CSMD1: variants seen among roughly 807,000 people sequenced by gnomAD.
CSMD1 encodes CUB and sushi domain-containing protein 1.
A neutral mutation model predicts 417.5 loss-of-function variants in CSMD1; 213 were observed. The ratio of observed to expected loss-of-function variants is 0.51; its 90% CI spans 0.46 to 0.57. The LOEUF (loss-of-function observed/expected upper bound fraction) is 0.57, where lower values mean the gene tolerates loss of function less well. CSMD1 is among the 20% of genes least tolerant of loss of function. CSMD1 has a pLI of 0.00. For missense variants in CSMD1, 6,923 were observed against 4,529.7 expected (o/e 1.53, Z -15.17); for synonymous variants, 2,862 against 1,736.8 (o/e 1.65, Z -16.11).
chr8:3,160,522 G>C (rs571722508), intron 38 of CSMD1, among the ~76,000 whole-genome samples: 1 of 152,236 alleles, frequency 6.6e-6, no homozygotes, highest in South Asian at 2.1e-4. Context: ...ACTTACTGAG[G>C]TATCCCAACT....
chr8:4,776,557 G>C (rs756239399), intron 1 of CSMD1, among the ~76,000 whole-genome samples: 3 of 152,040 alleles, frequency 2.0e-5, no homozygotes, highest in Non-Finnish European at 4.4e-5. Flanking sequence ...ATTCCACTAC[G>C]GGCTGCATTG....
chr8:4,242,807 C>G (rs542710333), intron 3 of CSMD1, among the ~76,000 whole-genome samples: 1 of 152,128 alleles, frequency 6.6e-6, no homozygotes, highest in Non-Finnish European at 1.5e-5. Flanking sequence ...TGGAGGAAAC[C>G]TTCATTCACC....
chr8:3,402,313 T>C (rs1343020715), intron 15 of CSMD1, among the ~76,000 whole-genome samples: 1 of 152,214 alleles, frequency 6.6e-6, no homozygotes, highest in East Asian at 1.9e-4. Flanking sequence ...ACTTTTTATG[T>C]GAGTCATTTT....
intron 46 of CSMD1, among the ~76,000 whole-genome samples, chr8:3,097,519 T>C (rs927868477): frequency 1.3e-5 from 2 of 152,166 alleles, no homozygotes; most frequent in African/African-American, 2.4e-5. Context: ...CTGCAGATGG[T>C]CCAGAATCCT....
intron 23 of CSMD1, among the ~76,000 whole-genome samples, chr8:3,328,913 A>G (rs1264657065): frequency 6.6e-6 from 1 of 152,268 alleles, no homozygotes; most frequent in Non-Finnish European, 1.5e-5. Flanking sequence ...AAAATAAGAC[A>G]GCAAGTATTT....
intron 33 of CSMD1, among the ~76,000 whole-genome samples, chr8:3,192,937 GA>G (rs11308845): frequency 0.48 from 70,803 of 148,318 alleles, 17,646 homozygotes; most frequent in Non-Finnish European, 0.58. Flanking sequence ...ATGGCATGAA[GA>G]AAAAAAAAAA....
At chr8:4,254,263 C>T (rs546683572) in intron 3 of CSMD1, among the ~76,000 whole-genome samples, 5 of 152,124 alleles carry the variant, frequency 3.3e-5, no homozygotes, top group Middle Eastern at 3.4e-3. Context: ...ATAAAATCAG[C>T]GAACACCTGT....
At chr8:3,632,918 C>T (rs947911087) in intron 7 of CSMD1, among the ~76,000 whole-genome samples, 3 of 152,154 alleles carry the variant, frequency 2.0e-5, no homozygotes, top group African/African-American at 4.8e-5. Context: ...AAGCAAGGGG[C>T]TTCAAAATTA....
At chr8:3,753,864 G>T in intron 6 of CSMD1, 66 bp downstream of exon 6, 2 of 1,129,400 alleles carry the variant, frequency 1.8e-6, no homozygotes, top group Non-Finnish European at 2.6e-6. Context: ...AAATTTCATG[G>T]CTAGAAAGGA....
chr8:4,229,739 C>G (rs748933500), intron 3 of CSMD1, among the ~76,000 whole-genome samples: 2 of 152,164 alleles, frequency 1.3e-5, no homozygotes, highest in Non-Finnish European at 2.9e-5. Context: ...CCTCTGCCGT[C>G]CTGCTTCTAC....
At chr8:4,753,450 C>T (rs547036858) in intron 1 of CSMD1, among the ~76,000 whole-genome samples, 1 of 148,844 alleles carries the variant, frequency 6.7e-6, no homozygotes, top group African/African-American at 2.5e-5. Context: ...CACACACATG[C>T]GCACACACTC....
intron 5 of CSMD1, among the ~76,000 whole-genome samples, chr8:3,890,354 T>G (rs1806880828): frequency 6.6e-6 from 1 of 152,122 alleles, no homozygotes; most frequent in Admixed American, 6.5e-5. Flanking sequence ...TGGGCAGGGT[T>G]TACTACTTGG....
chr8:3,396,652 A>C (rs1341788738), intron 16 of CSMD1, among the ~76,000 whole-genome samples: 1 of 152,186 alleles, frequency 6.6e-6, no homozygotes, highest in African/African-American at 2.4e-5. Context: ...GCTTAAACAA[A>C]AATACTATGA....
At chr8:3,637,855 G>A (rs1797124742) in intron 7 of CSMD1, among the ~76,000 whole-genome samples, 2 of 152,150 alleles carry the variant, frequency 1.3e-5, no homozygotes, top group African/African-American at 4.8e-5. Context: ...CTATGGTAGT[G>A]AATAAGTCTC....
chr8:4,008,341 C>T (rs538905058), intron 4 of CSMD1, among the ~76,000 whole-genome samples: 100 of 151,864 alleles, frequency 6.6e-4, no homozygotes, highest in African/African-American at 2.2e-3. Flanking sequence ...ATAATGGAAG[C>T]TCCTTTTATT....
chr8:4,059,720 A>G (rs987152313), intron 3 of CSMD1, among the ~76,000 whole-genome samples: 1 of 152,166 alleles, frequency 6.6e-6, no homozygotes, highest in Non-Finnish European at 1.5e-5. Flanking sequence ...CTCGACACCT[A>G]CACTCTCCCA....
intron 1 of CSMD1, among the ~76,000 whole-genome samples, chr8:4,897,447 T>C (rs770312881): frequency 2.0e-5 from 3 of 152,120 alleles, no homozygotes; most frequent in Non-Finnish European, 4.4e-5. Context: ...TCTTTTCCAC[T>C]TGCTGATGGG....
intron 7 of CSMD1, among the ~76,000 whole-genome samples, chr8:3,635,209 C>G (rs1246380134): frequency 6.6e-6 from 1 of 152,068 alleles, no homozygotes; most frequent in Non-Finnish European, 1.5e-5. Flanking sequence ...GGTGCAGTGG[C>G]TCACGCCTGT....
At chr8:4,642,851 A>G (rs904554196) in intron 1 of CSMD1, among the ~76,000 whole-genome samples, 2 of 152,202 alleles carry the variant, frequency 1.3e-5, no homozygotes, top group African/African-American at 4.8e-5. Context: ...TTTGACATGT[A>G]ATTGGGTTTA....
Sources: allele counts gnomAD v4.1 joint callset (sites outside exome capture counted in the v4.1 genomes callset), GRCh38; gene constraint gnomAD v4.1.1; transcripts MANE v1.5; gene names NCBI Gene and HGNC (gene_info 2026-07-23, HGNC 2026-07-21).